The following CGGBP1 variants were observed in gnomAD, a reference collection of about 807,000 sequenced individuals.
CGGBP1 encodes the protein CGG triplet repeat binding protein 1, also known as CGG triplet repeat-binding protein 1.
Under a neutral mutation model 11.4 loss-of-function variants are expected in CGGBP1, and 4 were observed. The ratio of observed to expected loss-of-function variants is 0.35; its 90% confidence interval spans 0.17 to 0.80. The LOEUF is 0.80. CGGBP1 is among the 30% of genes least tolerant of loss of function. CGGBP1 has a pLI of 0.52. For missense variants in CGGBP1, 135 were observed against 202.1 expected (o/e 0.67, Z 2.01); for synonymous variants, 76 against 74.1 (o/e 1.03, Z -0.13).
At chr3:88,073,253 A>G (rs916953945) in intron 2 of CGGBP1, among the ~76,000 whole-genome samples, 8 of 152,166 alleles carry the variant, frequency 5.3e-5, no homozygotes, top group Non-Finnish European at 8.8e-5. Flanking sequence ...CATTTTCCCA[A>G]TGAGTCTAAT....
At chr3:88,094,972 T>G (rs186434641) in intron 2 of CGGBP1, among the ~76,000 whole-genome samples, 5 of 152,246 alleles carry the variant, frequency 3.3e-5, no homozygotes, top group Admixed American at 2.6e-4. Flanking sequence ...TATGAGAAAT[T>G]ATCCCAGGAT....
intron 1 of CGGBP1, chr3:88,141,908 CA>C: frequency 2.9e-6 from 1 of 339,610 alleles, no homozygotes; most frequent in Non-Finnish European, 5.4e-6. Flanking sequence ...TGATTAATAG[CA>C]GCAGCATGTT....
At chr3:88,139,203 C>G (rs1453217139) in intron 2 of CGGBP1, 8 of 1,457,848 alleles carry the variant, frequency 5.5e-6, no homozygotes, top group Non-Finnish European at 7.2e-6. Context: ...AGAGACTGAT[C>G]CTGATGATGT....
intron 2 of CGGBP1, among the ~76,000 whole-genome samples, chr3:88,112,751 A>G (rs562471287): frequency 6.6e-6 from 1 of 152,088 alleles, no homozygotes; most frequent in Admixed American, 6.6e-5. Context: ...CTGGAGTCCC[A>G]TTATATTAGG....
Position 88,138,937 on chromosome 3 carries a change from A to G in CGGBP1, c.-229+2033T>C. On this transcript the variant is annotated intron_variant, in intron 2 of 3. Transcript: ENST00000462901. The stretch of plus-strand genomic sequence containing the variant: ...TACAAACGTCCAGATGAAGAATATA[A>G]TGAAGGCACAAGTAGTGTTCAAAAT... 4 of 1,237,104 alleles carry G rather than the reference A, an allele frequency of 3.2e-6. No individual in the cohort carries two copies. In the South Asian group the frequency reaches 1.2e-4, roughly 38 times the overall value. The allele number at this position is 1,237,104 out of a possible 1,614,324, so 76.6% of individuals were successfully genotyped here. A position where few individuals can be genotyped will look rare whatever the true frequency, so the allele number is the denominator to read the frequency against.
chr3:88,079,764 C>T (rs1392931450), intron 2 of CGGBP1, among the ~76,000 whole-genome samples: 1 of 152,020 alleles, frequency 6.6e-6, no homozygotes, highest in African/African-American at 2.4e-5. Context: ...TGTCTTATTA[C>T]ATTTACAGAA....
chr3:88,098,428 C>T (rs1704194458), intron 2 of CGGBP1, among the ~76,000 whole-genome samples: 1 of 152,202 alleles, frequency 6.6e-6, no homozygotes, highest in Non-Finnish European at 1.5e-5. Flanking sequence ...ATCATTCGTT[C>T]TCAAACTATT....
At position 88,117,044 on chromosome 3, in the gene CGGBP1, T is replaced by C. The variant is rs149332225; in HGVS notation, c.-229+23926A>G. On this transcript the variant is annotated intron_variant, in intron 2 of 3. Transcript: ENST00000462901. Reference sequence around the variant, plus strand: ...TTTTGCTGAGGTTGAGTTTATAATATCTTCCATGAATATAAGTGAAATTGC... The same window carrying C: ...TTTTGCTGAGGTTGAGTTTATAATACCTTCCATGAATATAAGTGAAATTGC... Among the ~76,000 whole-genome samples, 4 of 152,250 alleles carry C rather than the reference T, an allele frequency of 2.6e-5. No homozygotes were observed. In the East Asian group the frequency reaches 7.7e-4, roughly 29 times the overall value.
intron 2 of CGGBP1, among the ~76,000 whole-genome samples, chr3:88,133,167 T>C (rs989844623): frequency 6.6e-6 from 1 of 152,108 alleles, no homozygotes; most frequent in African/African-American, 2.4e-5. Context: ...TGAATTAATA[T>C]CTGAAGGGGA....
At chr3:88,130,908 TTATACCATG>T (rs1429904633) in intron 2 of CGGBP1, among the ~76,000 whole-genome samples, 2 of 152,142 alleles carry the variant, frequency 1.3e-5, no homozygotes, top group Non-Finnish European at 2.9e-5. Context: ...TTATTTAAAA[TTATACCATG>T]TAAATTGGAA....
intron 2 of CGGBP1, among the ~76,000 whole-genome samples, chr3:88,091,418 C>T (rs554785791): frequency 5.7e-4 from 87 of 152,264 alleles, no homozygotes; most frequent in African/African-American, 1.0e-3. Context: ...ATAAATTATT[C>T]GTAAGGAAGA....
At chr3:88,091,777 T>C (rs551932214) in intron 2 of CGGBP1, among the ~76,000 whole-genome samples, 1 of 152,286 alleles carries the variant, frequency 6.6e-6, no homozygotes, top group South Asian at 2.1e-4. Flanking sequence ...CTGCACATGC[T>C]CTCTTGCCTG....
At chr3:88,149,776 C>G in exon 1 of CGGBP1, 1 of 296,490 alleles carries the variant, frequency 3.4e-6, no homozygotes, top group East Asian at 7.2e-5. Context: ...TAACCAGCTC[C>G]CTTGCGGATA....
At chr3:88,105,571 T>A (rs1704685118) in intron 2 of CGGBP1, among the ~76,000 whole-genome samples, 1 of 152,174 alleles carries the variant, frequency 6.6e-6, no homozygotes, top group Non-Finnish European at 1.5e-5. Flanking sequence ...ATGAACACAT[T>A]GTAATGTTGC....
intron 2 of CGGBP1, among the ~76,000 whole-genome samples, chr3:88,073,748 ATTC>A (rs1303310611): frequency 2.0e-5 from 3 of 152,176 alleles, no homozygotes; most frequent in Non-Finnish European, 4.4e-5. Context: ...GAGTTAGTGC[ATTC>A]TTCTTAAAAA....
intron 2 of CGGBP1, among the ~76,000 whole-genome samples, chr3:88,084,488 G>A (rs1309852887): frequency 3.3e-5 from 5 of 152,266 alleles, no homozygotes; most frequent in East Asian, 3.9e-4. Flanking sequence ...AGTGATGACC[G>A]CATAGTTAGT....
chr3:88,149,315 C>G (rs1380911929), intron 1 of CGGBP1, among the ~76,000 whole-genome samples: 5 of 152,034 alleles, frequency 3.3e-5, no homozygotes, highest in Non-Finnish European at 5.9e-5. Flanking sequence ...GGGTAAATGG[C>G]GGAGTAAAAC....
chr3:88,129,320 G>GT (rs1479817668), intron 2 of CGGBP1, among the ~76,000 whole-genome samples: 2 of 50,586 alleles, frequency 4.0e-5, no homozygotes, highest in Admixed American at 5.4e-4. Flanking sequence ...CTTGCCAGGA[G>GT]TAAAAAAAAA....
At chr3:88,074,306 G>A (rs541638628) in intron 2 of CGGBP1, among the ~76,000 whole-genome samples, 2 of 151,628 alleles carry the variant, frequency 1.3e-5, no homozygotes, top group South Asian at 4.2e-4. Flanking sequence ...GCCCTCTAAA[G>A]GAGAATTCTT....
Sources: allele counts gnomAD v4.1 joint callset (sites outside exome capture counted in the v4.1 genomes callset), GRCh38; gene constraint gnomAD v4.1.1; transcripts MANE v1.5; gene names NCBI Gene and HGNC (gene_info 2026-07-23, HGNC 2026-07-21).